The following S100A7 variants were observed in gnomAD, a reference collection of about 807,000 sequenced individuals.
The protein encoded by S100A7 is protein S100-A7.
S100A7 carries 2 observed loss-of-function variants against 3.8 expected under a neutral mutation model. The ratio of observed to expected loss-of-function variants is 0.53; its 90% CI spans 0.22 to 1.67. S100A7 has a LOEUF of 1.67. Among genes scored for constraint, S100A7 ranks in the 40% most tolerant of loss-of-function variants. S100A7 has a pLI of 0.20. For missense variants in S100A7, 130 were observed against 126.3 expected, an observed-to-expected ratio of 1.03 and a Z score of -0.14; for synonymous variants, 55 against 45.9, an observed-to-expected ratio of 1.20 and a Z score of -0.80.
Position 153,457,752 on chromosome 1 carries a change from G to C in S100A7, c.*54C>G. The C allele has an allele frequency of 6.3e-7, 1 of 1,576,942 alleles. No homozygotes were observed. The highest frequency in any genetic ancestry group is 8.6e-7 in the Non-Finnish European group (1 of 1,159,102). On this transcript the variant is annotated 3_prime_UTR_variant, in exon 3 of 3. Transcript: ENST00000368723. ...AGAAAATAAGGCAAGTGTCTGGTGG[G>C]AGAAGACATTTTATTGTTCCTGGGG...
intron 1 of S100A7, 94 bp downstream of exon 1, chr1:153,460,514 G>A (rs192680030): frequency 7.4e-5 from 50 of 672,198 alleles, no homozygotes; most frequent in East Asian, 6.0e-4. Flanking sequence ...AGGCTTCTGA[G>A]TCTTTGTCCA....
At chr1:153,459,090 G>A in intron 1 of S100A7, 60 bp from the exon 2 acceptor site, 1 of 1,577,290 alleles carries the variant, frequency 6.3e-7, no homozygotes, top group South Asian at 1.2e-5. Context: ...CTCTATTTGG[G>A]AGTGCTGGAA....
chr1:153,460,603 C>G lies in S100A7; in HGVS notation c.-18+5G>C. The G allele has an allele frequency of 8.9e-7, 1 of 1,123,758 alleles. No homozygotes were observed. Among genetic ancestry groups the G allele is most frequent in the Non-Finnish European group, 1.3e-6 (1 of 760,680 alleles). 69.6% of individuals were successfully genotyped at this position (1,123,758 alleles called of 1,614,324 possible). On this transcript the variant is annotated splice_donor_5th_base_variant and intron_variant, in intron 1 of 2. Transcript: ENST00000368723. ...AGAAAACGCAAAGAGGCAGGTGAGA[C>G]TTACCAGAGCTGGGAAGCGTCACGA...
chr1:153,458,248 C>A (rs1358665465), intron 2 of S100A7, among the ~76,000 whole-genome samples: 1 of 152,040 alleles, frequency 6.6e-6, no homozygotes, highest in Non-Finnish European at 1.5e-5. Context: ...CAGTCCCCTG[C>A]CCCAGCCTCA....
chr1:153,459,340 G>C (rs1663767103), intron 1 of S100A7, among the ~76,000 whole-genome samples: 1 of 152,184 alleles, frequency 6.6e-6, no homozygotes, highest in Non-Finnish European at 1.5e-5. Context: ...GAAGAACTAA[G>C]CTGGGACACC....
intron 2 of S100A7, 35 bp downstream of exon 2, chr1:153,458,838 A>G (rs774679787): frequency 6.2e-7 from 1 of 1,610,374 alleles, no homozygotes; most frequent in Non-Finnish European, 8.5e-7. Context: ...AGCAAAATGT[A>G]TCCTCCAACA....
At position 153,460,075 on chromosome 1, in the gene S100A7, G is replaced by A. The variant is rs1405461153; in HGVS notation, c.-18+533C>T. On this transcript the variant is annotated intron_variant, in intron 1 of 2. Transcript: ENST00000368723. Reference sequence around the variant, plus strand: ...GCCAAGGCCAGAGGGCAAGCCCTGTGCCCAGAGGGTGACTGACAATTTGCA... The same window carrying A: ...GCCAAGGCCAGAGGGCAAGCCCTGTACCCAGAGGGTGACTGACAATTTGCA... 2.0e-5 allele frequency among the ~76,000 whole-genome samples: 3 copies of A among 152,256 alleles called. No individual in the cohort carries two copies. In the East Asian group the frequency reaches 5.8e-4, roughly 29 times the overall value.
intron 2 of S100A7, among the ~76,000 whole-genome samples, chr1:153,458,492 G>A (rs1663741399): frequency 6.6e-6 from 1 of 151,968 alleles, no homozygotes; most frequent in Admixed American, 6.6e-5. Flanking sequence ...TTGCAAAGAG[G>A]GCTATTGATT....
intron 2 of S100A7, among the ~76,000 whole-genome samples, 168 bp from the exon 3 acceptor site, chr1:153,458,138 T>C: frequency 6.6e-6 from 1 of 151,646 alleles, no homozygotes; most frequent in East Asian, 1.9e-4. Context: ...AGGACGTGAG[T>C]GTTATCCCTG....
chr1:153,458,917 G>A lies in S100A7; in HGVS notation c.97C>T (p.Leu33=), dbSNP rs1663752018. ...GGGAAGTTCTCCTTCATCATCGTCA[G>A]CAGGCTTGGCTTCTCAATCTTGTCA... The part of the protein sequence containing the change: ...RDDKIEKPSL[L]TMMKENFPNF... Residue 33 remains leucine, a synonymous_variant, in exon 2 of 3, where the codon CTG becomes TTG. Coordinates refer to ENST00000368723, the MANE Select transcript of S100A7 (RefSeq NM_002963.4). 1 of 1,613,988 alleles carries A rather than the reference G, an allele frequency of 6.2e-7. No individual in the cohort carries two copies. The highest frequency in any genetic ancestry group is 1.1e-5 in the South Asian group (1 of 91,080).
At chr1:153,460,071 C>T (rs893537313) in intron 1 of S100A7, among the ~76,000 whole-genome samples, 2 of 152,262 alleles carry the variant, frequency 1.3e-5, no homozygotes, top group Non-Finnish European at 1.5e-5. Context: ...AGGGCAAGCC[C>T]TGTGCCCAGA....
At chr1:153,460,126 T>C (rs1181161452) in intron 1 of S100A7, among the ~76,000 whole-genome samples, 2 of 152,134 alleles carry the variant, frequency 1.3e-5, no homozygotes, top group African/African-American at 2.4e-5. Flanking sequence ...TGACGGAGCG[T>C]TGGTTTCTCA....
chr1:153,457,755 A>G lies in S100A7; in HGVS notation c.*51T>C, dbSNP rs758989110. The G allele has an allele frequency of 1.3e-5, 20 of 1,575,802 alleles. No individual in the cohort carries two copies. The highest frequency in any genetic ancestry group is 1.9e-5 in the Admixed American group (1 of 53,546). ...AAATAAGGCAAGTGTCTGGTGGGAG[A>G]AGACATTTTATTGTTCCTGGGGTCT... On this transcript the variant is annotated 3_prime_UTR_variant, in exon 3 of 3. Coordinates refer to ENST00000368723, the MANE Select transcript of S100A7 (RefSeq NM_002963.4).
chr1:153,459,083 T>C lies in S100A7; in HGVS notation c.-17-53A>G, dbSNP rs1663757196. The stretch of plus-strand genomic sequence containing the variant: ...TTCCCTTCATTTAAGTTAGGGTCTC[T>C]ATTTGGGAGTGCTGGAAGGAGGGCT... On this transcript the variant is annotated intron_variant, in intron 1 of 2. Transcript: ENST00000368723. The C allele has an allele frequency of 3.8e-6, 6 of 1,583,298 alleles. No individual in the cohort carries two copies. In the Admixed American group the frequency reaches 8.7e-5, roughly 23 times the overall value.
chr1:153,459,104 G>C, intron 1 of S100A7, 74 bp from the exon 2 acceptor site: 1 of 1,545,734 alleles, frequency 6.5e-7, no homozygotes, highest in Non-Finnish European at 8.8e-7. Flanking sequence ...GCTGGAAGGA[G>C]GGCTGAGGAC....
chr1:153,458,890 T>A lies in S100A7; in HGVS notation c.124A>T (p.Asn42Tyr). Residue 42 changes from asparagine to tyrosine, a missense_variant, in exon 2 of 3, where the codon AAC becomes TAC. Coordinates refer to ENST00000368723, the MANE Select transcript of S100A7 (RefSeq NM_002963.4). The part of the protein sequence containing the change: ...LLTMMKENFP[N>Y]FLSACDKKGT... ...CGACTCACACAGGCACTAAGGAAGT[T>A]GGGGAAGTTCTCCTTCATCATCGTC... The A allele has an allele frequency of 6.2e-7, 1 of 1,613,864 alleles. No individual in the cohort carries two copies. Among genetic ancestry groups the A allele is most frequent in the Non-Finnish European group, 8.5e-7 (1 of 1,179,862 alleles).
In S100A7 at chr1:153,459,645, T is replaced by C. The variant is rs1405763649; in HGVS notation, c.-17-615A>G. Among the ~76,000 whole-genome samples, 4 of 152,074 alleles carry C rather than the reference T, an allele frequency of 2.6e-5. No homozygotes were observed. In the South Asian group the frequency reaches 6.2e-4, roughly 24 times the overall value. On this transcript the variant is annotated intron_variant, in intron 1 of 2. Transcript: ENST00000368723. ...CACAGGGGGCCCTTCTTGTATTCCC[T>C]TGGGAACGAGAAACAGGAATGGCCT... is the stretch of plus-strand genomic sequence containing the variant.
chr1:153,458,818 A>G, intron 2 of S100A7, 55 bp downstream of exon 2: 2 of 1,602,010 alleles, frequency 1.2e-6, no homozygotes, highest in Non-Finnish European at 1.7e-6. Context: ...TGATCTGTCC[A>G]AGGCCACATA....
chr1:153,458,859 A>C lies in S100A7; in HGVS notation c.141+14T>G, dbSNP rs1405642513. 1.2e-6 allele frequency: 2 copies of C among 1,613,472 alleles called. No homozygotes were observed. The highest frequency in any genetic ancestry group is 1.7e-6 in the Non-Finnish European group (2 of 1,179,656). On this transcript the variant is annotated intron_variant, in intron 2 of 2. Transcript: ENST00000368723. ...ATGTATCCTCCAACATTGAGAAGCT[A>C]GACACCGACTCACACAGGCACTAAG... is the stretch of plus-strand genomic sequence containing the variant.
Sources: gnomAD v4.1 joint callset for allele counts (sites outside exome capture counted in the v4.1 genomes callset) on GRCh38, gnomAD v4.1.1 for gene constraint, MANE v1.5 for transcripts, NCBI Gene and HGNC (gene_info 2026-07-23, HGNC 2026-07-21) for gene names.